CEMIP: variants seen among roughly 807,000 people sequenced by gnomAD.
CEMIP encodes the protein cell migration inducing hyaluronidase 1.
Under a neutral mutation model 156.9 loss-of-function variants are expected in CEMIP, and 105 were observed. The observed-to-expected ratio is 0.67, with a 90% CI of 0.57 to 0.79. The LOEUF is 0.79. Ranked by LOEUF, CEMIP falls within the 30% of genes least tolerant of loss-of-function variation. The pLI is 0.00. For missense variants in CEMIP, 1,457 were observed against 1,769.4 expected (o/e 0.82, Z 3.17); for synonymous variants, 676 against 668.4 (o/e 1.01, Z -0.17).
chr15:80,800,021 ATGTGTGTGTGTG>A (rs56412231), intron 1 of CEMIP, among the ~76,000 whole-genome samples: 8 of 124,904 alleles, frequency 6.4e-5, no homozygotes, highest in South Asian at 2.9e-4. Context: ...AGCTAATTTT[ATGTGTGTGTGTG>A]TGTGTGTGTG....
At chr15:80,900,597 T>G (rs1899449848) in intron 12 of CEMIP, among the ~76,000 whole-genome samples, 2 of 119,560 alleles carry the variant, frequency 1.7e-5, no homozygotes, top group African/African-American at 3.3e-5. Context: ...TGTGTGTGTG[T>G]GTGTGTGTGT....
intron 12 of CEMIP, among the ~76,000 whole-genome samples, chr15:80,900,638 G>GTGTGTCTGTGTGTGTGTC (rs1899467162): frequency 1.2e-3 from 122 of 101,886 alleles, no homozygotes; most frequent in Middle Eastern, 5.8e-3. Flanking sequence ...GTGTGTGTGT[G>GTGTGTCTGTGTGTGTGTC]TGTGTGTGTG....
intron 1 of CEMIP, among the ~76,000 whole-genome samples, chr15:80,785,308 A>AAAATG (rs1202962611): frequency 6.6e-6 from 1 of 152,182 alleles, no homozygotes; most frequent in Non-Finnish European, 1.5e-5. Context: ...TTTGAACCTG[A>AAAATG]AAATGAAATT....
At chr15:80,880,841 G>A (rs1898627529) in intron 5 of CEMIP, 59 bp from the exon 6 acceptor site, 2 of 1,429,484 alleles carry the variant, frequency 1.4e-6, no homozygotes, top group Non-Finnish European at 2.0e-6. Context: ...TTCCCTCTGG[G>A]TTCAGTATCC....
At chr15:80,790,299 A>G (rs1339112466) in intron 1 of CEMIP, among the ~76,000 whole-genome samples, 4 of 152,170 alleles carry the variant, frequency 2.6e-5, no homozygotes, top group Non-Finnish European at 5.9e-5. Context: ...TTCTCACTAC[A>G]TTTGATGTTC....
chr15:80,843,039 T>C (rs1444744497), intron 1 of CEMIP, among the ~76,000 whole-genome samples: 2 of 152,172 alleles, frequency 1.3e-5, no homozygotes, highest in Non-Finnish European at 2.9e-5. Flanking sequence ...AGCTGGACCA[T>C]ACAAGGTGAC....
At position 80,804,266 on chromosome 15, in the gene CEMIP, G is replaced by A. The variant is rs142288900; in HGVS notation, c.-176+24652G>A. On this transcript the variant is annotated intron_variant, in intron 1 of 29. Coordinates refer to ENST00000394685, the MANE Select transcript of CEMIP (RefSeq NM_001293298.2). ...CCAAGATCTCTTTTCAGCTCTATAG[G>A]CTGATCCCTGTGACTTGCATCTTGC... Among the ~76,000 whole-genome samples, 515 of 152,308 alleles carry A rather than the reference G, an allele frequency of 3.4e-3. 5 individuals carry two copies. Among genetic ancestry groups the A allele is most frequent in the African/African-American group, 0.012 (486 of 41,560 alleles).
intron 25 of CEMIP, among the ~76,000 whole-genome samples, chr15:80,939,367 G>A (rs138475095): frequency 6.6e-6 from 1 of 152,172 alleles, no homozygotes; most frequent in Non-Finnish European, 1.5e-5. Context: ...GGGCCCAGGG[G>A]CCAGGAGTAT....
At position 80,949,414 on chromosome 15, in the gene CEMIP, A is replaced by G. The variant is rs977609764; in HGVS notation, c.*490A>G. On this transcript the variant is annotated 3_prime_UTR_variant, in exon 30 of 30. Coordinates refer to ENST00000394685, the MANE Select transcript of CEMIP (RefSeq NM_001293298.2). ...TCTTTACTCCTGTAAGCAAGAGCCAACCTCACAGGATTAGGAGCTGGGGTA... is the reference window on the plus strand; with the variant it reads ...TCTTTACTCCTGTAAGCAAGAGCCAGCCTCACAGGATTAGGAGCTGGGGTA... The G allele has an allele frequency of 1.3e-5, 3 of 230,214 alleles. No homozygotes were observed. Among genetic ancestry groups the G allele is most frequent in the Non-Finnish European group, 2.6e-5 (3 of 114,378 alleles). 14.3% of individuals were successfully genotyped at this position (230,214 alleles called of 1,614,324 possible).
At chr15:80,880,499 T>C (rs555098721) in intron 5 of CEMIP, among the ~76,000 whole-genome samples, 12 of 152,308 alleles carry the variant, frequency 7.9e-5, no homozygotes, top group African/African-American at 2.2e-4. Context: ...TGCAGTGGCA[T>C]GAGCTCAGTT....
Position 80,936,864 on chromosome 15 carries a change from T to C in CEMIP, c.3200T>C (p.Ile1067Thr), listed in dbSNP as rs1395247862. 2 of 1,614,192 alleles carry C rather than the reference T, an allele frequency of 1.2e-6. No homozygotes were observed. Among genetic ancestry groups the C allele is most frequent in the South Asian group, 2.2e-5 (2 of 91,082 alleles). Residue 1067 changes from isoleucine (I) to threonine (T), a missense_variant, in exon 24 of 30, where the codon ATC (isoleucine) becomes ACC (threonine). By Grantham distance (89) the Ile-to-Thr change is moderately conservative. Coordinates refer to ENST00000394685, the MANE Select transcript of CEMIP (RefSeq NM_001293298.2). Reference protein sequence around the residue: ...WDQTAPAELAIWLINFNKGDW... With the variant: ...WDQTAPAELATWLINFNKGDW... Reference sequence around the variant, plus strand: ...CAGACGGCCCCCGCCGAACTCGCCATCTGGCTCATCAACTTCAACAAGTGA... The same window carrying C: ...CAGACGGCCCCCGCCGAACTCGCCACCTGGCTCATCAACTTCAACAAGTGA...
chr15:80,920,140 C>A lies in CEMIP; in HGVS notation c.1844C>A (p.Thr615Lys). Residue 615 changes from threonine (T) to lysine (K), a missense_variant, in exon 15 of 30, where the codon ACG becomes AAG. Physicochemically the swap from Thr to Lys is moderately conservative, Grantham distance 78. This residue lies in a region of CEMIP where 798 missense variants were observed against 980.1 expected (regional missense o/e 0.81). Coordinates refer to ENST00000394685, the MANE Select transcript of CEMIP (RefSeq NM_001293298.2). ...GYNSLGHCFF[T>K]EDGPEERNTF... ...AACTCTTTGGGCCACTGCTTCTTCA[C>A]GGAAGATGGGCCGGAGGAACGCAAC... The A allele has an allele frequency of 1.2e-6, 2 of 1,614,220 alleles. No individual in the cohort carries two copies. The highest frequency in any genetic ancestry group is 1.7e-6 in the Non-Finnish European group (2 of 1,180,040).
intron 19 of CEMIP, among the ~76,000 whole-genome samples, chr15:80,926,894 A>G (rs1021575738): frequency 1.3e-5 from 2 of 148,322 alleles, no homozygotes; most frequent in African/African-American, 5.1e-5. Flanking sequence ...GCAGTGGTGC[A>G]AACTCAGCAC....
rs1900992058 is a variant in CEMIP, at chr15:80,933,226, T to C, written c.2794-19T>C. ...CCTTCACCTTCTAGCCCTGCCTAAC[T>C]TTCCTGGGCTCTGTTTAGATTACTT... On this transcript the variant is annotated intron_variant, in intron 22 of 29. Transcript: ENST00000394685. 1 of 1,611,486 alleles carries C rather than the reference T, an allele frequency of 6.2e-7. No homozygotes were observed. The highest frequency in any genetic ancestry group is 8.5e-7 in the Non-Finnish European group (1 of 1,177,574).
rs143511421 is a variant in CEMIP at position 80,938,789 on chromosome 15, CCT to C, written c.3407+815_3407+816del. ...TCTGTTTCTGGGAGTTCTTTGATCC[CCT>C]CTCTTAAAAAGAAATTTCGTCTAAT... On this transcript the variant is annotated intron_variant, in intron 25 of 29. Coordinates refer to ENST00000394685, the MANE Select transcript of CEMIP (RefSeq NM_001293298.2). Among the ~76,000 whole-genome samples, 1,027 of 152,176 alleles carry C rather than the reference CCT, an allele frequency of 6.7e-3. 15 individuals carry two copies. The highest frequency in any genetic ancestry group is 0.024 in the African/African-American group (982 of 41,502).
In CEMIP at chr15:80,893,849, T is replaced by TG. The variant is rs11372977; in HGVS notation, c.1087-1140dup. Among the ~76,000 whole-genome samples, 215 of 151,960 alleles carry TG rather than the reference T, an allele frequency of 1.4e-3. 4 individuals carry two copies. The East Asian group carries it at 0.036, about 25-fold the overall frequency. On this transcript the variant is annotated intron_variant, in intron 10 of 29. Transcript: ENST00000394685. ...AAAGTCTCCTCTTTTTTTTTTTTTT[T>TG]GACTGGCTATACTTTCCTTCCTTAT...
chr15:80,888,620 G>C (rs980292011), intron 8 of CEMIP, 81 bp from the exon 9 acceptor site: 2 of 1,072,078 alleles, frequency 1.9e-6, no homozygotes, highest in Non-Finnish European at 2.9e-6. Context: ...ATGTGCGTAG[G>C]GGGGTTTCCT....
intron 1 of CEMIP, among the ~76,000 whole-genome samples, chr15:80,847,358 C>G (rs1897586999): frequency 6.6e-6 from 1 of 152,146 alleles, no homozygotes; most frequent in Non-Finnish European, 1.5e-5. Flanking sequence ...CCTTATGTAG[C>G]TTTTGGAAAC....
At chr15:80,879,322 G>C (rs1898566939) in intron 4 of CEMIP, among the ~76,000 whole-genome samples, 1 of 152,170 alleles carries the variant, frequency 6.6e-6, no homozygotes, top group African/African-American at 2.4e-5. Context: ...AACATGTACA[G>C]ATTTTTCCTT....
Sources: gnomAD v4.1 joint callset for allele counts (sites outside exome capture counted in the v4.1 genomes callset) on GRCh38, gnomAD v4.1.1 for gene constraint, gnomAD v4.1.1 regional missense constraint, MANE v1.5 for transcripts, NCBI Gene and HGNC (gene_info 2026-07-23, HGNC 2026-07-21) for gene names.